CSMD1: variants seen among roughly 807,000 people sequenced by gnomAD.
CSMD1 encodes the protein CUB and Sushi multiple domains 1.
A neutral mutation model predicts 417.5 loss-of-function variants in CSMD1; 213 were observed. The ratio of observed to expected loss-of-function variants is 0.51; its 90% CI spans 0.46 to 0.57. CSMD1 has a LOEUF of 0.57. CSMD1 is among the 20% of genes least tolerant of loss of function. The probability of loss-of-function intolerance (pLI) is 0.00; values close to 1 mark genes in which losing one functional copy is unlikely to be tolerated. For synonymous variants in CSMD1, 2,862 were observed against 1,736.8 expected, an observed-to-expected ratio of 1.65 and a Z score of -16.11; for missense variants, 6,923 against 4,529.7, an observed-to-expected ratio of 1.53 and a Z score of -15.17.
At chr8:4,965,016 A>T (rs2117352257) in intron 1 of CSMD1, among the ~76,000 whole-genome samples, 1 of 152,248 alleles carries the variant, frequency 6.6e-6, no homozygotes, top group South Asian at 2.1e-4. Flanking sequence ...ACTGTCCTCC[A>T]CAATATGCAC....
chr8:3,420,377 C>A (rs1004791809), intron 12 of CSMD1, among the ~76,000 whole-genome samples: 9 of 150,200 alleles, frequency 6.0e-5, no homozygotes, highest in Non-Finnish European at 1.3e-4. Context: ...AGACAATTAA[C>A]TCAGGGTGGA....
At chr8:3,088,850 A>AG (rs1274297676) in intron 48 of CSMD1, among the ~76,000 whole-genome samples, 3 of 151,452 alleles carry the variant, frequency 2.0e-5, no homozygotes, top group Non-Finnish European at 4.4e-5. Flanking sequence ...TAGTAAAAAA[A>AG]AAAAAAAAAA....
At chr8:4,277,349 C>G (rs1235362498) in intron 3 of CSMD1, among the ~76,000 whole-genome samples, 2 of 152,092 alleles carry the variant, frequency 1.3e-5, no homozygotes, top group African/African-American at 4.8e-5. Flanking sequence ...TGACCTTTCA[C>G]TCCTCTTTCG....
At chr8:4,578,024 G>A (rs759675535) in intron 2 of CSMD1, among the ~76,000 whole-genome samples, 10 of 152,136 alleles carry the variant, frequency 6.6e-5, no homozygotes, top group Non-Finnish European at 1.0e-4. Context: ...CCCAGGGCTC[G>A]GCTTTAGGAC....
chr8:3,914,201 G>T (rs74731121), intron 5 of CSMD1, among the ~76,000 whole-genome samples: 26 of 152,202 alleles, frequency 1.7e-4, no homozygotes, highest in African/African-American at 6.0e-4. Context: ...CCAAAAAGAG[G>T]TAAGTAACTT....
intron 3 of CSMD1, among the ~76,000 whole-genome samples, chr8:4,035,246 C>T (rs1188904749): frequency 6.6e-6 from 1 of 152,110 alleles, no homozygotes; most frequent in African/African-American, 2.4e-5. Flanking sequence ...GTGAACAAAC[C>T]ACCTGTGCAG....
intron 1 of CSMD1, among the ~76,000 whole-genome samples, chr8:4,818,002 A>T (rs1043058659): frequency 3.9e-5 from 6 of 152,208 alleles, no homozygotes; most frequent in Admixed American, 1.3e-4. Context: ...ATTATGCATC[A>T]TTATAATAAG....
intron 3 of CSMD1, among the ~76,000 whole-genome samples, chr8:4,249,575 G>C (rs973380664): frequency 6.6e-6 from 1 of 152,124 alleles, no homozygotes; most frequent in Non-Finnish European, 1.5e-5. Context: ...AACCATCTTA[G>C]CTTGAAGCTG....
At chr8:3,103,903 G>A (rs954063450) in intron 46 of CSMD1, among the ~76,000 whole-genome samples, 9 of 151,866 alleles carry the variant, frequency 5.9e-5, no homozygotes, top group Admixed American at 2.6e-4. Flanking sequence ...GCCACCACAC[G>A]CAGCTAATTT....
chr8:4,816,225 C>A (rs1463987748), intron 1 of CSMD1, among the ~76,000 whole-genome samples: 1 of 151,764 alleles, frequency 6.6e-6, no homozygotes, highest in African/African-American at 2.4e-5. Context: ...CGCTCTGTTG[C>A]CCAGTTTGGA....
chr8:4,289,794 C>G (rs999666224), intron 3 of CSMD1, among the ~76,000 whole-genome samples: 3 of 152,158 alleles, frequency 2.0e-5, no homozygotes, highest in Non-Finnish European at 2.9e-5. Flanking sequence ...AAGGAGGTAT[C>G]CACCTTTGTC....
rs1201652438 is a variant in CSMD1, at chr8:3,511,387, A to T, written c.1345-17661T>A. Among the ~76,000 whole-genome samples the T allele has an allele frequency of 2.6e-5, 4 of 151,722 alleles. No homozygotes were observed. In the East Asian group the frequency reaches 7.7e-4, roughly 29 times the overall value. ...CAGAACTTAAAGTATTAAAAAAAAAAATTCCTTAACTGGCATGTTATAGAT... is the reference window on the plus strand; with the variant it reads ...CAGAACTTAAAGTATTAAAAAAAAATATTCCTTAACTGGCATGTTATAGAT... On this transcript the variant is annotated intron_variant, in intron 10 of 69. Coordinates refer to ENST00000635120, the MANE Select transcript of CSMD1 (RefSeq NM_033225.6).
chr8:3,281,791 G>A (rs746671942), intron 26 of CSMD1, among the ~76,000 whole-genome samples: 4 of 152,196 alleles, frequency 2.6e-5, no homozygotes, highest in South Asian at 2.1e-4. Flanking sequence ...TTGGATCTGC[G>A]TCCCCACCCA....
chr8:3,761,938 A>G (rs1798028685), intron 5 of CSMD1, among the ~76,000 whole-genome samples: 1 of 151,926 alleles, frequency 6.6e-6, no homozygotes, highest in South Asian at 2.1e-4. Flanking sequence ...GCACTCTCTG[A>G]GGCACCATCA....
intron 68 of CSMD1, 60 bp from the exon 69 acceptor site, chr8:2,942,664 A>T (rs1409922800): frequency 7.5e-7 from 1 of 1,331,418 alleles, no homozygotes; most frequent in African/African-American, 1.5e-5. Context: ...ACAAATACAT[A>T]TGATAAATTT....
chr8:4,482,968 T>C (rs1202693331), intron 2 of CSMD1, among the ~76,000 whole-genome samples: 1 of 152,008 alleles, frequency 6.6e-6, no homozygotes, highest in Non-Finnish European at 1.5e-5. Flanking sequence ...AAAATGAAAA[T>C]AGAGTAATGG....
chr8:3,510,335 C>T (rs534633416), intron 10 of CSMD1, among the ~76,000 whole-genome samples: 2 of 151,892 alleles, frequency 1.3e-5, no homozygotes, highest in African/African-American at 2.4e-5. Context: ...AAGAGCAACA[C>T]AGCCGGAGCT....
At chr8:4,188,996 G>A (rs552209903) in intron 3 of CSMD1, among the ~76,000 whole-genome samples, 46 of 152,290 alleles carry the variant, frequency 3.0e-4, no homozygotes, top group Middle Eastern at 3.4e-3. Context: ...GGACTGTGAT[G>A]TAAACAGAAA....
intron 3 of CSMD1, among the ~76,000 whole-genome samples, chr8:4,342,103 A>G (rs1800509634): frequency 6.6e-6 from 1 of 152,178 alleles, no homozygotes; most frequent in East Asian, 1.9e-4. Context: ...CTATGTTTCC[A>G]TGGTAACTCC....
Sources: allele counts gnomAD v4.1 joint callset (sites outside exome capture counted in the v4.1 genomes callset), GRCh38; gene constraint gnomAD v4.1.1; transcripts MANE v1.5; gene names NCBI Gene and HGNC (gene_info 2026-07-23, HGNC 2026-07-21).